FILIP1L: variants seen among roughly 807,000 people sequenced by gnomAD.
The protein encoded by FILIP1L is filamin A-interacting protein 1-like.
A neutral mutation model predicts 96.6 loss-of-function variants in FILIP1L; 55 were observed. That is an observed-to-expected ratio of 0.57 (90% CI 0.46 to 0.71). The LOEUF (loss-of-function observed/expected upper bound fraction) is 0.71, where lower values mean the gene tolerates loss of function less well. FILIP1L is among the 30% of genes least tolerant of loss of function. The pLI is 0.00. For synonymous variants in FILIP1L, 467 were observed against 473.9 expected, an observed-to-expected ratio of 0.99 and a Z score of 0.19; for missense variants, 1,304 against 1,321.2, an observed-to-expected ratio of 0.99 and a Z score of 0.20.
At chr3:99,868,752 C>T (rs1443929645) in intron 4 of FILIP1L, among the ~76,000 whole-genome samples, 1 of 152,108 alleles carries the variant, frequency 6.6e-6, no homozygotes, top group East Asian at 1.9e-4. Context: ...TTTTGGAATG[C>T]TGCATTCAGT....
intron 1 of FILIP1L, among the ~76,000 whole-genome samples, chr3:99,942,032 C>T (rs950589750): frequency 2.0e-5 from 3 of 151,972 alleles, no homozygotes; most frequent in Admixed American, 1.3e-4. Context: ...CTGGCTAACA[C>T]GGTGAAACTG....
At chr3:99,940,758 C>G (rs148778117) in intron 1 of FILIP1L, among the ~76,000 whole-genome samples, 1 of 152,326 alleles carries the variant, frequency 6.6e-6, no homozygotes, top group Non-Finnish European at 1.5e-5. Flanking sequence ...AATAGATCAC[C>G]CTGAGTGCCT....
intron 1 of FILIP1L, among the ~76,000 whole-genome samples, chr3:100,084,719 AC>A (rs2065981570): frequency 6.6e-6 from 1 of 152,222 alleles, no homozygotes; most frequent in Non-Finnish European, 1.5e-5. Context: ...GATCAACCTC[AC>A]TTTTTCCACT....
intron 1 of FILIP1L, among the ~76,000 whole-genome samples, chr3:100,017,133 T>C (rs143399516): frequency 6.6e-6 from 1 of 152,192 alleles, no homozygotes; most frequent in African/African-American, 2.4e-5. Flanking sequence ...TTCCTGAAAA[T>C]GTTTGTCATC....
At chr3:99,928,411 G>A (rs1006008874) in intron 3 of FILIP1L, among the ~76,000 whole-genome samples, 5 of 152,212 alleles carry the variant, frequency 3.3e-5, no homozygotes, top group African/African-American at 1.2e-4. Context: ...GATCATGGAG[G>A]TGGGAATGTG....
At position 99,984,919 on chromosome 3, in the gene FILIP1L, T is replaced by C. The variant is rs545728707; in HGVS notation, c.-10-53889A>G. ...TAGGTTAATAAGGAACTTGGACAAC[T>C]GGAATTCCCAGGTTAAATAAACTGA... On this transcript the variant is annotated intron_variant, in intron 1 of 5. Transcript: ENST00000477258. 2.0e-5 allele frequency among the ~76,000 whole-genome samples: 3 copies of C among 152,280 alleles called. No homozygotes were observed. In the South Asian group the frequency reaches 6.2e-4, roughly 32 times the overall value.
intron 1 of FILIP1L, among the ~76,000 whole-genome samples, chr3:100,106,957 C>T (rs1576069920): frequency 1.3e-5 from 2 of 152,174 alleles, no homozygotes; most frequent in East Asian, 1.9e-4. Flanking sequence ...AAGGGAGCCC[C>T]ATTACAGTGG....
At chr3:99,938,877 A>T (rs1707772893) in intron 1 of FILIP1L, among the ~76,000 whole-genome samples, 1 of 152,194 alleles carries the variant, frequency 6.6e-6, no homozygotes, top group African/African-American at 2.4e-5. Flanking sequence ...CCCACATTTG[A>T]AGACACTAAA....
At chr3:100,106,218 G>C (rs1446752518) in intron 1 of FILIP1L, among the ~76,000 whole-genome samples, 1 of 152,128 alleles carries the variant, frequency 6.6e-6, no homozygotes, top group Non-Finnish European at 1.5e-5. Flanking sequence ...GTACAGCCAG[G>C]ATACCATTAT....
chr3:100,024,935 C>T (rs905131191), intron 1 of FILIP1L, among the ~76,000 whole-genome samples: 1 of 152,160 alleles, frequency 6.6e-6, no homozygotes, highest in African/African-American at 2.4e-5. Context: ...TTTTAATGTG[C>T]TTGTCTGACT....
chr3:100,010,694 A>C (rs1710121935), intron 1 of FILIP1L, among the ~76,000 whole-genome samples: 2 of 146,956 alleles, frequency 1.4e-5, no homozygotes, highest in African/African-American at 5.0e-5. Flanking sequence ...TGCCCACTGC[A>C]ACTTCTACCT....
intron 5 of FILIP1L, chr3:99,847,993 A>C: frequency 9.2e-7 from 1 of 1,082,512 alleles, no homozygotes; most frequent in Non-Finnish European, 1.1e-6. Context: ...GTTGCAGTCA[A>C]ATTAAAGTGA....
Position 99,849,489 on chromosome 3 carries a change from G to A in FILIP1L, c.2187C>T (p.Tyr729=). 1 of 1,613,464 alleles carries A rather than the reference G, an allele frequency of 6.2e-7. No individual in the cohort carries two copies. Residue 729 remains tyrosine (Y), a synonymous_variant, in exon 5 of 6, where the codon TAC becomes TAT. Transcript: ENST00000477258. The part of the protein sequence containing the change: ...VDALKEKIHE[Y]MATEDLICHL... ...GACATATTAGGTCTTCAGTTGCCAT[G>A]TATTCATGAATTTTCTCTTTTAATG...
At chr3:100,052,300 T>C (rs1170222954) in intron 1 of FILIP1L, among the ~76,000 whole-genome samples, 3 of 152,244 alleles carry the variant, frequency 2.0e-5, no homozygotes, top group Non-Finnish European at 4.4e-5. Flanking sequence ...AAAAAACTAA[T>C]GCAGAGCAAT....
chr3:100,086,418 G>A (rs2066008879), intron 1 of FILIP1L, among the ~76,000 whole-genome samples: 2 of 151,680 alleles, frequency 1.3e-5, no homozygotes, highest in Admixed American at 1.3e-4. Flanking sequence ...TACCATAAAG[G>A]GGGAAAAAAA....
intron 4 of FILIP1L, among the ~76,000 whole-genome samples, chr3:99,867,769 T>A (rs1944592998): frequency 6.6e-6 from 1 of 152,116 alleles, no homozygotes; most frequent in Non-Finnish European, 1.5e-5. Flanking sequence ...CAAATTCACA[T>A]GTCAAGAGAT....
intron 1 of FILIP1L, among the ~76,000 whole-genome samples, chr3:100,061,895 A>G (rs751707085): frequency 6.6e-6 from 1 of 152,112 alleles, no homozygotes; most frequent in Non-Finnish European, 1.5e-5. Context: ...ATATAATACA[A>G]AATCTGTCAT....
chr3:100,014,887 C>CTTTTTTTTTTTTTTTTTTTTTT (rs1559725867), intron 1 of FILIP1L, among the ~76,000 whole-genome samples: 2 of 32,466 alleles, frequency 6.2e-5, no homozygotes, highest in Non-Finnish European at 1.2e-4. Context: ...TTTTTTTTTT[C>CTTTTTTTTTTTTTTTTTTTTTT]TTTCTTTCTT....
At chr3:100,012,681 A>C (rs923363514) in intron 1 of FILIP1L, among the ~76,000 whole-genome samples, 6 of 152,028 alleles carry the variant, frequency 3.9e-5, no homozygotes, top group Admixed American at 3.9e-4. Context: ...TGGTTGCCCC[A>C]ATTATAAAAT....
Sources: gnomAD v4.1 joint callset for allele counts (sites outside exome capture counted in the v4.1 genomes callset) on GRCh38, gnomAD v4.1.1 for gene constraint, MANE v1.5 for transcripts, NCBI Gene and HGNC (gene_info 2026-07-23, HGNC 2026-07-21) for gene names.